Variants in NLGN1 observed in about 807,000 individuals in gnomAD.
NLGN1 encodes neuroligin 1.
NLGN1 carries 12 observed loss-of-function variants against 65.5 expected under a neutral mutation model. The observed-to-expected ratio is 0.18, with a 90% confidence interval of 0.12 to 0.30. The LOEUF (loss-of-function observed/expected upper bound fraction) is 0.30. Ranked by LOEUF, NLGN1 falls within the 10% of genes least tolerant of loss-of-function variation. The probability of loss-of-function intolerance (pLI) is 1.00; values close to 1 mark genes in which losing one functional copy is unlikely to be tolerated. For missense variants in NLGN1, 750 were observed against 1,007.1 expected (o/e 0.74, Z 3.46); for synonymous variants, 350 against 359.5 (o/e 0.97, Z 0.30).
At chr3:173,907,644 A>G (rs1579111392) in intron 4 of NLGN1, among the ~76,000 whole-genome samples, 1 of 143,764 alleles carries the variant, frequency 7.0e-6, no homozygotes, top group Non-Finnish European at 1.5e-5. Flanking sequence ...TAGTGCAATG[A>G]CATGATCTCA....
chr3:174,248,687 G>T (rs1032334986), intron 4 of NLGN1, among the ~76,000 whole-genome samples: 1 of 152,198 alleles, frequency 6.6e-6, no homozygotes. Flanking sequence ...CTTGAACTTA[G>T]GAGGCAGAGG....
At chr3:173,738,207 C>T (rs1774087339) in intron 3 of NLGN1, among the ~76,000 whole-genome samples, 1 of 151,666 alleles carries the variant, frequency 6.6e-6, no homozygotes, top group African/African-American at 2.4e-5. Flanking sequence ...GTAGTCTTTT[C>T]ATTTTCTTTG....
rs746462466 is a variant in NLGN1, at chr3:174,090,030, TTTATC to T, written c.647-185281_647-185277del. Among the ~76,000 whole-genome samples the T allele has an allele frequency of 5.8e-4, 89 of 152,174 alleles. 1 individual carries two copies. The highest frequency in any genetic ancestry group is 1.0e-3 in the Non-Finnish European group (69 of 68,024). On this transcript the variant is annotated intron_variant, in intron 4 of 6. Transcript: ENST00000457714. ...GCCAAAAGGCAGTTCTATAATGAAA[TTTATC>T]TTAATGAAAAGCAAGCCTTTATTTA...
chr3:174,275,557 T>C (rs1750389664), intron 5 of NLGN1, 30 bp downstream of exon 5: 1 of 1,474,402 alleles, frequency 6.8e-7, no homozygotes, highest in South Asian at 1.1e-5. Context: ...ATTTTGACAA[T>C]TTTGGTGTCT....
Position 174,191,704 on chromosome 3 carries a change from G to A in NLGN1, c.647-83611G>A, listed in dbSNP as rs111265197. Among the ~76,000 whole-genome samples the A allele has an allele frequency of 6.6e-3, 1,009 of 152,208 alleles. 13 individuals are homozygous for A. Among genetic ancestry groups the A allele is most frequent in the African/African-American group, 0.023 (949 of 41,522 alleles). ...AATTACAGTTTCCACAAAGCACCAC[G>A]AATTGGGATCATTAAGAATACCCAG... On this transcript the variant is annotated intron_variant, in intron 4 of 6. Coordinates refer to ENST00000457714, the Ensembl canonical transcript of NLGN1.
chr3:174,194,809 G>A (rs6445151), intron 4 of NLGN1, among the ~76,000 whole-genome samples: 28,047 of 142,496 alleles, frequency 0.2, 3,226 homozygotes, highest in African/African-American at 0.29. Context: ...AAAAGGAAAT[G>A]AGACCCAGAA....
chr3:173,485,116 CAAA>C (rs58463042), intron 2 of NLGN1, among the ~76,000 whole-genome samples: 10 of 52,896 alleles, frequency 1.9e-4, no homozygotes, highest in Admixed American at 5.0e-4. Context: ...TGGCAGCAGG[CAAA>C]AAAAAAAAAA....
At chr3:174,004,294 C>T (rs1370235381) in intron 4 of NLGN1, among the ~76,000 whole-genome samples, 1 of 152,120 alleles carries the variant, frequency 6.6e-6, no homozygotes, top group Non-Finnish European at 1.5e-5. Flanking sequence ...ATAGGATTCT[C>T]TACAAAACTA....
intron 4 of NLGN1, among the ~76,000 whole-genome samples, chr3:173,883,412 A>G (rs1481894466): frequency 1.3e-5 from 2 of 152,184 alleles, no homozygotes; most frequent in Non-Finnish European, 2.9e-5. Context: ...TAGTAAAATC[A>G]CAGATCATCA....
intron 3 of NLGN1, among the ~76,000 whole-genome samples, chr3:173,731,130 G>C (rs150558166): frequency 0.013 from 2,030 of 151,928 alleles, 40 homozygotes; most frequent in African/African-American, 0.045. Flanking sequence ...CTTTTTCTAG[G>C]GAAAAATTTA....
At chr3:174,225,112 A>G (rs1409301330) in intron 4 of NLGN1, among the ~76,000 whole-genome samples, 1 of 152,188 alleles carries the variant, frequency 6.6e-6, no homozygotes, top group Non-Finnish European at 1.5e-5. Flanking sequence ...GGGAAGGGCT[A>G]CCTGTGAAGA....
At chr3:173,560,406 G>T (rs2149294727) in intron 2 of NLGN1, among the ~76,000 whole-genome samples, 1 of 152,104 alleles carries the variant, frequency 6.6e-6, no homozygotes, top group South Asian at 2.1e-4. Context: ...GGGAAGAAGA[G>T]GAAGGGAGGG....
At chr3:173,547,213 T>A (rs2149251998) in intron 2 of NLGN1, among the ~76,000 whole-genome samples, 1 of 152,304 alleles carries the variant, frequency 6.6e-6, no homozygotes, top group Middle Eastern at 3.4e-3. Context: ...CTTGTTTTCT[T>A]ACTACAGACC....
At chr3:174,281,918 G>T (rs988205847) in exon 7 of NLGN1, 8 of 152,330 alleles carry the variant, frequency 5.3e-5, no homozygotes, top group African/African-American at 2.4e-5. Flanking sequence ...TTAGCACGAT[G>T]TGCATGATAA....
intron 4 of NLGN1, among the ~76,000 whole-genome samples, chr3:173,852,354 TCAAA>T (rs1727132421): frequency 2.6e-5 from 1 of 38,798 alleles, no homozygotes; most frequent in African/African-American, 1.3e-4. Flanking sequence ...AGACTCCGTC[TCAAA>T]AAAAAAAAAA....
intron 3 of NLGN1, among the ~76,000 whole-genome samples, chr3:173,610,923 T>C (rs1577523917): frequency 6.6e-6 from 1 of 151,870 alleles, no homozygotes; most frequent in Non-Finnish European, 1.5e-5. Context: ...ATAGAAGAAA[T>C]AAAGAAATAT....
chr3:173,780,206 TTG>T (rs1780914961), intron 3 of NLGN1, among the ~76,000 whole-genome samples: 1 of 152,228 alleles, frequency 6.6e-6, no homozygotes, highest in South Asian at 2.1e-4. Flanking sequence ...GAATTAAAGA[TTG>T]TATTAATCTA....
At chr3:174,147,581 C>G (rs1723574497) in intron 4 of NLGN1, among the ~76,000 whole-genome samples, 2 of 151,406 alleles carry the variant, frequency 1.3e-5, no homozygotes, top group African/African-American at 2.4e-5. Flanking sequence ...TTACAGGCGG[C>G]TGCCACCACG....
intron 4 of NLGN1, among the ~76,000 whole-genome samples, chr3:174,087,863 G>A (rs1743721894): frequency 6.6e-6 from 1 of 152,170 alleles, no homozygotes; most frequent in Non-Finnish European, 1.5e-5. Context: ...TTATGTATCA[G>A]GGAAAGAAAG....
Sources: gnomAD v4.1 joint callset for allele counts (sites outside exome capture counted in the v4.1 genomes callset) on GRCh38, gnomAD v4.1.1 for gene constraint, MANE v1.5 for transcripts, NCBI Gene and HGNC (gene_info 2026-07-23, HGNC 2026-07-21) for gene names.